The following GOLGA4 variants were observed in gnomAD, a reference collection of about 807,000 sequenced individuals.
The protein encoded by GOLGA4 is golgin A4.
A neutral mutation model predicts 265.9 loss-of-function variants in GOLGA4; 169 were observed. The ratio of observed to expected loss-of-function variants is 0.64; its 90% confidence interval spans 0.56 to 0.72. The LOEUF is 0.72. Among genes scored for constraint, GOLGA4 ranks in the 30% least tolerant of loss-of-function variants. The pLI is 0.00. For missense variants in GOLGA4, 2,482 were observed against 2,483.4 expected, an observed-to-expected ratio of 1.00 and a Z score of 0.01; for synonymous variants, 923 against 855.8, an observed-to-expected ratio of 1.08 and a Z score of -1.37.
intron 11 of GOLGA4, among the ~76,000 whole-genome samples, chr3:37,318,336 C>T (rs1413573057): frequency 6.6e-6 from 1 of 152,134 alleles, no homozygotes; most frequent in Non-Finnish European, 1.5e-5. Context: ...CATAAGCCAC[C>T]ATGCCCCACC....
rs191617740 is a variant in GOLGA4, at chr3:37,284,904, A to G, written c.478-1110A>G. On this transcript the variant is annotated intron_variant, in intron 3 of 23. Transcript: ENST00000361924. ...GGTCTCCAGCTCCTGGGCTCAAGCA[A>G]TCCTCCTGTCCTGGCCTCCCAAAGT... is the stretch of plus-strand genomic sequence containing the variant. 2.8e-3 allele frequency among the ~76,000 whole-genome samples: 421 copies of G among 151,934 alleles called. 1 individual carries two copies. Among genetic ancestry groups the G allele is most frequent in the Non-Finnish European group, 4.3e-3 (292 of 67,960 alleles).
At chr3:37,281,781 A>G (rs1460034294) in intron 2 of GOLGA4, among the ~76,000 whole-genome samples, 177 bp from the exon 3 acceptor site, 3 of 152,238 alleles carry the variant, frequency 2.0e-5, no homozygotes, top group Non-Finnish European at 2.9e-5. Context: ...TCCAGGTCCA[A>G]CACTGTTTCA....
At chr3:37,243,727 C>A in intron 1 of GOLGA4, 105 bp downstream of exon 1, 1 of 913,442 alleles carries the variant, frequency 1.1e-6, no homozygotes, top group Non-Finnish European at 1.7e-6. Context: ...GACCTTTAAC[C>A]CCTAACCCGC....
At chr3:37,313,135 G>A (rs1257380176) in intron 10 of GOLGA4, among the ~76,000 whole-genome samples, 1 of 152,046 alleles carries the variant, frequency 6.6e-6, no homozygotes. Flanking sequence ...CCTGGGAGGC[G>A]GAGGTTGCAG....
chr3:37,337,193 CT>C (rs746251933), intron 18 of GOLGA4, 30 bp downstream of exon 18: 32 of 898,878 alleles, frequency 3.6e-5, no homozygotes, highest in African/African-American at 2.1e-4. Context: ...TTTTTTTTTT[CT>C]TTTTTTTCTT....
chr3:37,285,016 C>T (rs1418736062), intron 3 of GOLGA4, among the ~76,000 whole-genome samples: 1 of 152,144 alleles, frequency 6.6e-6, no homozygotes, highest in Non-Finnish European at 1.5e-5. Flanking sequence ...ATTTGGGACA[C>T]AGCAGCCTTC....
intron 1 of GOLGA4, among the ~76,000 whole-genome samples, chr3:37,250,883 G>A (rs1272253531): frequency 6.6e-6 from 1 of 152,128 alleles, no homozygotes; most frequent in Non-Finnish European, 1.5e-5. Flanking sequence ...TCAAAGCAAG[G>A]CCATTAATTA....
chr3:37,337,176 C>CTT lies in GOLGA4; in HGVS notation c.6327+14_6327+15dup. On this transcript the variant is annotated intron_variant, in intron 18 of 23. Coordinates refer to ENST00000361924, the MANE Select transcript of GOLGA4 (RefSeq NM_002078.5). ...TATGGAGCTACAGGTAAGGCTAGTT[C>CTT]TTCTTTTTTTTTTTTTCTTTTTTTT... 1 of 1,322,110 alleles carries CTT rather than the reference C, an allele frequency of 7.6e-7. No individual in the cohort carries two copies. The highest frequency in any genetic ancestry group is 1.1e-6 in the Non-Finnish European group (1 of 951,026). 81.9% of individuals were successfully genotyped at this position (1,322,110 alleles called of 1,614,324 possible). A position where few individuals can be genotyped will look rare whatever the true frequency, so the allele number is the denominator to read the frequency against.
At position 37,329,542 on chromosome 3, in the gene GOLGA4, T is replaced by G. The variant is rs181419528; in HGVS notation, c.6192+449T>G. 2.9e-3 allele frequency among the ~76,000 whole-genome samples: 437 copies of G among 152,296 alleles called. 4 individuals carry two copies. Among genetic ancestry groups the G allele is most frequent in the Non-Finnish European group, 2.9e-3 (198 of 68,018 alleles). On this transcript the variant is annotated intron_variant, in intron 16 of 23. Transcript: ENST00000361924. ...AGGGACAATCAACTTTACTCTTATC[T>G]CTACCCAGTGTGTGGAGGTTGATTG...
intron 10 of GOLGA4, among the ~76,000 whole-genome samples, chr3:37,309,372 A>G (rs548660477): frequency 3.9e-5 from 6 of 152,264 alleles, no homozygotes; most frequent in African/African-American, 1.2e-4. Context: ...CCTGGCCAAC[A>G]TGGTGAACCC....
At chr3:37,328,369 C>G in intron 14 of GOLGA4, 47 bp from the exon 15 acceptor site, 1 of 1,590,716 alleles carries the variant, frequency 6.3e-7, no homozygotes, top group Non-Finnish European at 8.6e-7. Flanking sequence ...CTCCTTGCAG[C>G]TTGTTCTTTG....
chr3:37,355,929 T>C (rs2097089795), intron 22 of GOLGA4, among the ~76,000 whole-genome samples: 1 of 152,006 alleles, frequency 6.6e-6, no homozygotes, highest in African/African-American at 2.4e-5. Flanking sequence ...TCTCTTTACC[T>C]ATTTCATCAT....
At chr3:37,262,963 G>A (rs1027675598) in intron 2 of GOLGA4, among the ~76,000 whole-genome samples, 6 of 152,190 alleles carry the variant, frequency 3.9e-5, no homozygotes, top group African/African-American at 1.4e-4. Context: ...GATGCCAGTG[G>A]TATAAAAGCT....
At chr3:37,358,801 A>T (rs1296533971) in intron 22 of GOLGA4, among the ~76,000 whole-genome samples, 1 of 152,202 alleles carries the variant, frequency 6.6e-6, no homozygotes, top group Non-Finnish European at 1.5e-5. Context: ...ACCAGCCCAC[A>T]AAATGCCCCC....
chr3:37,285,496 C>T (rs1472931914), intron 3 of GOLGA4, among the ~76,000 whole-genome samples: 2 of 152,174 alleles, frequency 1.3e-5, no homozygotes, highest in Non-Finnish European at 2.9e-5. Context: ...TAGTCACAGA[C>T]CCTATAACCA....
chr3:37,325,438 A>G lies in GOLGA4; in HGVS notation c.3552A>G (p.Glu1184=), dbSNP rs545660055. The G allele has an allele frequency of 2.0e-5, 32 of 1,610,900 alleles. 1 individual carries two copies. The East Asian group carries it at 5.4e-4, about 27-fold the overall frequency. The change falls in exon 14 of 24, where the codon GAA becomes GAG. Residue 1184 remains glutamate, a synonymous_variant. Coordinates refer to ENST00000361924, the MANE Select transcript of GOLGA4 (RefSeq NM_002078.5). ...LTSKLKTTDE[E]FQSLKSSHEK... ...GCAAGTTGAAAACCACAGATGAAGA[A>G]TTCCAGAGTTTGAAATCTTCACATG...
chr3:37,257,397 C>T (rs17036166), intron 2 of GOLGA4, among the ~76,000 whole-genome samples: 4,261 of 152,052 alleles, frequency 0.028, 152 homozygotes, highest in African/African-American at 0.084. Context: ...TACATCCTGT[C>T]TTTGCTGTTT....
chr3:37,353,320 C>T (rs931829115), intron 21 of GOLGA4, among the ~76,000 whole-genome samples: 2 of 152,088 alleles, frequency 1.3e-5, no homozygotes, highest in African/African-American at 4.8e-5. Context: ...AATTCCCACA[C>T]ACCTTCAATC....
intron 2 of GOLGA4, among the ~76,000 whole-genome samples, chr3:37,271,739 C>T (rs1231094810): frequency 1.3e-5 from 2 of 152,122 alleles, no homozygotes; most frequent in African/African-American, 2.4e-5. Flanking sequence ...ATCTCTAAAA[C>T]AGTGCTTCCC....
Sources: gnomAD v4.1 joint callset for allele counts (sites outside exome capture counted in the v4.1 genomes callset) on GRCh38, gnomAD v4.1.1 for gene constraint, MANE v1.5 for transcripts, NCBI Gene and HGNC (gene_info 2026-07-23, HGNC 2026-07-21) for gene names.